ADAMTS6: variants seen among roughly 807,000 people sequenced by gnomAD.
ADAMTS6 encodes the protein ADAM metallopeptidase with thrombospondin type 1 motif 6.
ADAMTS6 carries 23 observed loss-of-function variants against 144.3 expected under a neutral mutation model. The ratio of observed to expected loss-of-function variants is 0.16; its 90% CI spans 0.11 to 0.23. The LOEUF (loss-of-function observed/expected upper bound fraction) is 0.23, where lower values mean the gene tolerates loss of function less well. ADAMTS6 is among the 10% of genes least tolerant of loss of function. ADAMTS6 has a pLI of 1.00. For synonymous variants in ADAMTS6, 444 were observed against 457.5 expected, an observed-to-expected ratio of 0.97 and a Z score of 0.38; for missense variants, 999 against 1,379.6, an observed-to-expected ratio of 0.72 and a Z score of 4.37.
chr5:65,294,958 A>G (rs1413106766), intron 10 of ADAMTS6, among the ~76,000 whole-genome samples: 5 of 152,238 alleles, frequency 3.3e-5, no homozygotes, highest in Admixed American at 3.3e-4. Flanking sequence ...AAGTAGTCAT[A>G]CTGTGGGTAG....
chr5:65,161,794 C>T (rs1752797626), intron 24 of ADAMTS6, among the ~76,000 whole-genome samples: 1 of 152,160 alleles, frequency 6.6e-6, no homozygotes, highest in Non-Finnish European at 1.5e-5. Flanking sequence ...AAAGGGAACA[C>T]AAAACAAGTT....
rs1244803779 is a variant in ADAMTS6 at position 65,324,259 on chromosome 5, C to G, written c.1223+5119G>C. On this transcript the variant is annotated intron_variant, in intron 9 of 24. Coordinates refer to ENST00000381055, the MANE Select transcript of ADAMTS6 (RefSeq NM_197941.4). ...GATATTCATATGGAAAAAAGATGAA[C>G]CTCAACCTATACCTCCTACTATACA... is the stretch of plus-strand genomic sequence containing the variant. 5.9e-5 allele frequency among the ~76,000 whole-genome samples: 9 copies of G among 152,202 alleles called. No homozygotes were observed. The South Asian group carries it at 1.7e-3, about 28-fold the overall frequency.
chr5:65,262,747 G>T (rs1761307014), intron 13 of ADAMTS6, 70 bp downstream of exon 13: 3 of 1,430,068 alleles, frequency 2.1e-6, no homozygotes, highest in East Asian at 2.7e-5. Flanking sequence ...CAGATAACAT[G>T]TGAAACCACA....
At chr5:65,344,134 C>A (rs1748105364) in intron 7 of ADAMTS6, among the ~76,000 whole-genome samples, 1 of 151,798 alleles carries the variant, frequency 6.6e-6, no homozygotes, top group Non-Finnish European at 1.5e-5. Flanking sequence ...GCAAAACTGT[C>A]CCCACACCAT....
intron 7 of ADAMTS6, among the ~76,000 whole-genome samples, chr5:65,422,134 T>G (rs1316147599): frequency 2.0e-5 from 3 of 151,526 alleles, no homozygotes; most frequent in Non-Finnish European, 2.9e-5. Flanking sequence ...CATTAAAAGG[T>G]GGGCAAATGA....
intron 9 of ADAMTS6, among the ~76,000 whole-genome samples, chr5:65,312,311 T>C (rs1198338409): frequency 6.6e-6 from 1 of 152,018 alleles, no homozygotes; most frequent in African/African-American, 2.4e-5. Flanking sequence ...AAGGACATTC[T>C]TAATTTAGAA....
At chr5:65,223,727 T>C (rs145830855) in intron 18 of ADAMTS6, among the ~76,000 whole-genome samples, 13 of 152,336 alleles carry the variant, frequency 8.5e-5, no homozygotes, top group African/African-American at 3.1e-4. Context: ...GACGTTTATG[T>C]TGTTTCTATA....
chr5:65,167,404 C>T (rs967693895), intron 24 of ADAMTS6, among the ~76,000 whole-genome samples: 1 of 152,126 alleles, frequency 6.6e-6, no homozygotes, highest in East Asian at 1.9e-4. Flanking sequence ...GTTTACCAAC[C>T]AAAAAGAGTC....
chr5:65,289,299 C>T lies in ADAMTS6; in HGVS notation c.1512+2030G>A, dbSNP rs187417572. Among the ~76,000 whole-genome samples the T allele has an allele frequency of 2.1e-3, 323 of 152,278 alleles. 2 individuals are homozygous for T. Among genetic ancestry groups the T allele is most frequent in the African/African-American group, 7.4e-3 (307 of 41,558 alleles). On this transcript the variant is annotated intron_variant, in intron 11 of 24. Coordinates refer to ENST00000381055, the MANE Select transcript of ADAMTS6 (RefSeq NM_197941.4). ...CCTGTAATCCCAACACTTTGGGAGG[C>T]CGAGGCGGGCTGATCACTTGAGGTC...
intron 7 of ADAMTS6, among the ~76,000 whole-genome samples, chr5:65,360,673 G>T (rs1329317601): frequency 6.6e-6 from 1 of 151,912 alleles, no homozygotes; most frequent in Non-Finnish European, 1.5e-5. Flanking sequence ...TATTGTATTT[G>T]TAATCCAAAA....
chr5:65,341,595 T>C (rs1280683368), intron 7 of ADAMTS6, among the ~76,000 whole-genome samples: 4 of 152,022 alleles, frequency 2.6e-5, no homozygotes, highest in African/African-American at 9.7e-5. Flanking sequence ...TGTGAAAACC[T>C]AGAAGAAATG....
At chr5:65,314,950 C>G (rs1000577760) in intron 9 of ADAMTS6, among the ~76,000 whole-genome samples, 1 of 152,132 alleles carries the variant, frequency 6.6e-6, no homozygotes, top group African/African-American at 2.4e-5. Flanking sequence ...TGATCATACA[C>G]CTTGTATCCT....
chr5:65,197,573 ACT>A (rs1443598268), intron 20 of ADAMTS6, among the ~76,000 whole-genome samples: 1 of 152,216 alleles, frequency 6.6e-6, no homozygotes, highest in Non-Finnish European at 1.5e-5. Flanking sequence ...GGACAAATTT[ACT>A]TTTTGATATT....
At chr5:65,166,240 T>G (rs1461142035) in intron 24 of ADAMTS6, among the ~76,000 whole-genome samples, 1 of 139,492 alleles carries the variant, frequency 7.2e-6, no homozygotes, top group Non-Finnish European at 1.5e-5. Flanking sequence ...TCCTAGTCTC[T>G]GATAAAACAG....
intron 12 of ADAMTS6, among the ~76,000 whole-genome samples, chr5:65,265,510 T>A (rs1191100528): frequency 6.6e-6 from 1 of 152,030 alleles, no homozygotes; most frequent in Non-Finnish European, 1.5e-5. Context: ...TAAAAATATT[T>A]ATGTTTGCAC....
rs370377833 is a variant in ADAMTS6, at chr5:65,331,191, T to C, written c.1118-1708A>G. Among the ~76,000 whole-genome samples the C allele has an allele frequency of 1.2e-4, 19 of 152,152 alleles. No individual in the cohort carries two copies. In the East Asian group the frequency reaches 2.1e-3, roughly 17 times the overall value. On this transcript the variant is annotated intron_variant, in intron 8 of 24. Transcript: ENST00000381055. ...TGTTTCTGTTTTGGCCTTTATGAAA[T>C]GTATGTTTTTTCAAAAGAAAAGCAG...
intron 12 of ADAMTS6, among the ~76,000 whole-genome samples, chr5:65,267,662 A>G (rs1285903583): frequency 6.6e-6 from 1 of 152,204 alleles, no homozygotes; most frequent in Non-Finnish European, 1.5e-5. Flanking sequence ...AAAATTTGTC[A>G]CATTTCCATG....
chr5:65,165,965 T>A, intron 24 of ADAMTS6, among the ~76,000 whole-genome samples: 1 of 145,822 alleles, frequency 6.9e-6, no homozygotes, highest in Non-Finnish European at 1.5e-5. Context: ...AGGAAGAAAC[T>A]GCATCAACTA....
chr5:65,254,873 A>G (rs928306754), intron 14 of ADAMTS6, among the ~76,000 whole-genome samples: 6 of 152,242 alleles, frequency 3.9e-5, no homozygotes, highest in African/African-American at 1.4e-4. Flanking sequence ...TACTGACAAG[A>G]AGGAGGAGAA....
Sources: allele counts gnomAD v4.1 joint callset (sites outside exome capture counted in the v4.1 genomes callset), GRCh38; gene constraint gnomAD v4.1.1; transcripts MANE v1.5; gene names NCBI Gene and HGNC (gene_info 2026-07-23, HGNC 2026-07-21).